The following CCDC83 variants were observed in gnomAD, a reference collection of about 807,000 sequenced individuals.
CCDC83 encodes the protein coiled-coil domain-containing protein 83.
A neutral mutation model predicts 50.1 loss-of-function variants in CCDC83; 54 were observed. The observed-to-expected ratio is 1.08, with a 90% CI of 0.87 to 1.35. The LOEUF (loss-of-function observed/expected upper bound fraction) is 1.35. CCDC83 is among the 40% of genes most tolerant of loss of function. The pLI, the probability that CCDC83 is intolerant of heterozygous loss-of-function variation, is 0.00. For synonymous variants in CCDC83, 161 were observed against 153.3 expected (o/e 1.05, Z -0.37); for missense variants, 518 against 473.9 (o/e 1.09, Z -0.86).
chr11:85,859,158 T>TAAAA (rs55964668), intron 1 of CCDC83, among the ~76,000 whole-genome samples: 110 of 68,698 alleles, frequency 1.6e-3, no homozygotes, highest in South Asian at 2.9e-3. Flanking sequence ...CTTGGTGCCT[T>TAAAA]AAAAAAAAAA....
chr11:85,885,178 C>T (rs1157824784), intron 4 of CCDC83, among the ~76,000 whole-genome samples: 4 of 151,920 alleles, frequency 2.6e-5, no homozygotes, highest in Non-Finnish European at 5.9e-5. Flanking sequence ...CGCGCCACTG[C>T]TCTCCAGTCT....
In CCDC83 at chr11:85,886,375, G is replaced by T. The variant is rs2093327101; in HGVS notation, c.511+8G>T. The T allele has an allele frequency of 2.5e-6, 4 of 1,571,690 alleles. No individual in the cohort carries two copies. The highest frequency in any genetic ancestry group is 3.4e-6 in the Non-Finnish European group (4 of 1,162,514). The stretch of plus-strand genomic sequence containing the variant: ...ATGCAGAGAAAATGTCAGGTCAGTT[G>T]CAACAAAACTAGTTCAAGTTCAGTA... On this transcript the variant is annotated splice_region_variant and intron_variant, in intron 5 of 10. Transcript: ENST00000342404.
intron 2 of CCDC83, among the ~76,000 whole-genome samples, chr11:85,870,235 C>T (rs966925558): frequency 6.6e-6 from 1 of 152,168 alleles, no homozygotes; most frequent in Non-Finnish European, 1.5e-5. Context: ...GTCTCCAGCC[C>T]AATCGTTGCA....
intron 3 of CCDC83, among the ~76,000 whole-genome samples, chr11:85,876,540 C>T (rs558344413): frequency 3.9e-5 from 6 of 152,192 alleles, no homozygotes; most frequent in African/African-American, 1.2e-4. Context: ...AGTCTCACTC[C>T]GTCACCCAGG....
intron 3 of CCDC83, among the ~76,000 whole-genome samples, chr11:85,881,852 T>C (rs1236471289): frequency 1.3e-5 from 2 of 152,250 alleles, no homozygotes; most frequent in Admixed American, 1.3e-4. Flanking sequence ...GATTATGATG[T>C]GTCTTAACAT....
chr11:85,860,655 T>C (rs1001402150), intron 1 of CCDC83, among the ~76,000 whole-genome samples: 4 of 151,992 alleles, frequency 2.6e-5, no homozygotes, highest in Non-Finnish European at 4.4e-5. Flanking sequence ...CTAAGGAAAA[T>C]AAATCATTCT....
rs1028687784 is a variant in CCDC83, at chr11:85,870,527, T to C, written c.96-2684T>C. On this transcript the variant is annotated intron_variant, in intron 2 of 10. Coordinates refer to ENST00000342404, the MANE Select transcript of CCDC83 (RefSeq NM_001286159.2). ...AGAAAAGGCACTCCTTCAAAATTTT[T>C]GCACAAATGTAAGCTTTAGGTAAGA... is the stretch of plus-strand genomic sequence containing the variant. 3.9e-5 allele frequency among the ~76,000 whole-genome samples: 6 copies of C among 152,174 alleles called. 1 individual carries two copies. Among genetic ancestry groups the C allele is most frequent in the African/African-American group, 1.4e-4 (6 of 41,450 alleles).
chr11:85,882,378 T>G, intron 3 of CCDC83, 135 bp from the exon 4 acceptor site: 2 of 729,196 alleles, frequency 2.7e-6, no homozygotes, highest in Non-Finnish European at 4.6e-6. Context: ...TCATAATGTC[T>G]GATGGAAGTA....
chr11:85,861,397 T>G (rs2093175346), intron 1 of CCDC83, among the ~76,000 whole-genome samples: 1 of 152,206 alleles, frequency 6.6e-6, no homozygotes, highest in African/African-American at 2.4e-5. Flanking sequence ...AGTTAATGGC[T>G]CAGTTTCTAG....
intron 10 of CCDC83, 89 bp downstream of exon 10, chr11:85,916,322 G>T: frequency 1.0e-6 from 1 of 964,504 alleles, no homozygotes; most frequent in Non-Finnish European, 1.6e-6. Context: ...CCTAAAATAT[G>T]GATATTGAAA....
chr11:85,856,879 G>A (rs983412132), intron 1 of CCDC83, among the ~76,000 whole-genome samples: 1 of 152,096 alleles, frequency 6.6e-6, no homozygotes, highest in Non-Finnish European at 1.5e-5. Flanking sequence ...CCACTGAATG[G>A]CTTTAAATTA....
intron 1 of CCDC83, among the ~76,000 whole-genome samples, chr11:85,864,189 CA>C (rs2093193861): frequency 6.6e-6 from 1 of 152,178 alleles, no homozygotes; most frequent in Admixed American, 6.5e-5. Flanking sequence ...CAGTGGTGCA[CA>C]AGAATTACAT....
At chr11:85,864,834 T>C (rs2093197567) in intron 1 of CCDC83, among the ~76,000 whole-genome samples, 1 of 152,172 alleles carries the variant, frequency 6.6e-6, no homozygotes, top group East Asian at 1.9e-4. Context: ...CAGATATAGA[T>C]GAATAACATA....
At chr11:85,875,363 C>A (rs965318522) in intron 3 of CCDC83, among the ~76,000 whole-genome samples, 3 of 152,232 alleles carry the variant, frequency 2.0e-5, no homozygotes, top group Non-Finnish European at 4.4e-5. Context: ...CACTGGGGAC[C>A]GGCCCCATCT....
intron 5 of CCDC83, among the ~76,000 whole-genome samples, chr11:85,894,744 T>A (rs1255437657): frequency 6.6e-6 from 1 of 152,202 alleles, no homozygotes; most frequent in Non-Finnish European, 1.5e-5. Context: ...AGCTTGATAG[T>A]TACTTGTTGA....
chr11:85,900,443 T>C (rs1244925606), intron 7 of CCDC83, among the ~76,000 whole-genome samples: 1 of 152,186 alleles, frequency 6.6e-6, no homozygotes, highest in African/African-American at 2.4e-5. Context: ...ATCCCACTCT[T>C]GCCTTCTCAT....
intron 5 of CCDC83, 28 bp from the exon 6 acceptor site, chr11:85,895,259 ATTTTCT>A (rs765159728): frequency 4.8e-6 from 4 of 839,712 alleles, no homozygotes; most frequent in Admixed American, 3.8e-5. Context: ...AAGGCTTTTA[ATTTTCT>A]TTTTTTTTTT....
intron 8 of CCDC83, among the ~76,000 whole-genome samples, chr11:85,914,068 G>A (rs116455811): frequency 1.7e-3 from 262 of 152,272 alleles, no homozygotes; most frequent in African/African-American, 5.9e-3. Context: ...AGCTACATGT[G>A]AAACTTACGT....
chr11:85,904,326 C>A (rs2093415664), intron 7 of CCDC83, among the ~76,000 whole-genome samples: 1 of 152,132 alleles, frequency 6.6e-6, no homozygotes, highest in Non-Finnish European at 1.5e-5. Context: ...AAATTGTGTG[C>A]CATTCAGAGA....
Sources: gnomAD v4.1 joint callset for allele counts (sites outside exome capture counted in the v4.1 genomes callset) on GRCh38, gnomAD v4.1.1 for gene constraint, MANE v1.5 for transcripts, NCBI Gene and HGNC (gene_info 2026-07-23, HGNC 2026-07-21) for gene names.